Variants in RASEF observed in about 807,000 individuals in gnomAD.
RASEF encodes ras and EF-hand domain-containing protein.
In RASEF, 68 loss-of-function variants were observed where a neutral mutation model predicts 90.1. The observed-to-expected ratio is 0.75, with a 90% CI of 0.62 to 0.92. The LOEUF is 0.92. Ranked by LOEUF, RASEF falls within the 40% of genes least tolerant of loss-of-function variation. RASEF has a pLI of 0.00. For missense variants in RASEF, 949 were observed against 937.2 expected (o/e 1.01, Z -0.16); for synonymous variants, 331 against 345.2 (o/e 0.96, Z 0.46).
the RASEF span, among the ~76,000 whole-genome samples, chr9:83,122,241 G>A: frequency 8.8e-3 from 1,333 of 152,250 alleles, 24 homozygotes; most frequent in African/African-American, 0.031. Context: ...TGTCCCCCAT[G>A]AGCCCAGGAC....
the RASEF span, among the ~76,000 whole-genome samples, chr9:83,215,750 T>G: frequency 6.6e-6 from 1 of 151,528 alleles, no homozygotes; most frequent in Admixed American, 6.6e-5. Context: ...CAGGCAGAGG[T>G]TGGAATGGTT....
chr9:83,190,375 T>C, the RASEF span, among the ~76,000 whole-genome samples: 1 of 152,230 alleles, frequency 6.6e-6, no homozygotes. Flanking sequence ...AAGAGACCTA[T>C]GAGTTATCTA....
chr9:83,219,221 A>T, the RASEF span: 1 of 152,156 alleles, frequency 6.6e-6, no homozygotes, highest in South Asian at 2.1e-4. Context: ...CTGGACAGAG[A>T]GTTAGGTCCC....
the RASEF span, among the ~76,000 whole-genome samples, chr9:83,144,374 AGAAAGAAAGAAAGAAAG>A: frequency 4.7e-3 from 272 of 58,218 alleles, 12 homozygotes; most frequent in African/African-American, 0.016. Context: ...AAAGAAAGAA[AGAAAGAAAGAAAGAAAG>A]GAAAGAAAGA....
chr9:83,195,594 CAG>C, the RASEF span, among the ~76,000 whole-genome samples: 1 of 152,096 alleles, frequency 6.6e-6, no homozygotes, highest in Non-Finnish European at 1.5e-5. Context: ...AAGAAAGAAA[CAG>C]ATTTTCTGCC....
At chr9:83,152,194 A>G in the RASEF span, among the ~76,000 whole-genome samples, 1 of 152,184 alleles carries the variant, frequency 6.6e-6, no homozygotes, top group African/African-American at 2.4e-5. Context: ...CTTGGAATCA[A>G]TTACCTAAAT....
the RASEF span, among the ~76,000 whole-genome samples, chr9:83,140,105 TGATGATGCTA>T: frequency 1.8e-4 from 27 of 152,316 alleles, no homozygotes; most frequent in African/African-American, 6.5e-4. Context: ...AGACTTACCA[TGATGATGCTA>T]GAGACCTATT....
At chr9:83,155,431 A>G in the RASEF span, among the ~76,000 whole-genome samples, 1 of 152,188 alleles carries the variant, frequency 6.6e-6, no homozygotes, top group Non-Finnish European at 1.5e-5. Flanking sequence ...AGCAGACAAG[A>G]GAGAATGAGA....
chr9:83,096,674 A>C, the RASEF span, among the ~76,000 whole-genome samples: 2 of 152,018 alleles, frequency 1.3e-5, no homozygotes. Context: ...GTACATGTGC[A>C]AAACGTGCAG....
At chr9:83,126,678 C>T in the RASEF span, among the ~76,000 whole-genome samples, 1 of 152,190 alleles carries the variant, frequency 6.6e-6, no homozygotes, top group Non-Finnish European at 1.5e-5. Flanking sequence ...CTACCTACTG[C>T]CCTGGATGGC....
At chr9:83,185,366 T>A in the RASEF span, among the ~76,000 whole-genome samples, 1,856 of 149,972 alleles carry the variant, frequency 0.012, 43 homozygotes, top group African/African-American at 0.042. Context: ...TTTTTTTTTT[T>A]AATTTTTTTG....
intron 16 of RASEF, among the ~76,000 whole-genome samples, chr9:82,983,500 C>G (rs115110864): frequency 0.012 from 1,820 of 152,172 alleles, 35 homozygotes; most frequent in African/African-American, 0.042. Flanking sequence ...AATATGAAGA[C>G]CAGAAGTCTC....
the RASEF span, among the ~76,000 whole-genome samples, chr9:83,116,393 G>A: frequency 6.6e-6 from 1 of 152,022 alleles, no homozygotes; most frequent in African/African-American, 2.4e-5. Context: ...GATTCATGGT[G>A]TTTCCCCAAA....
chr9:82,995,388 G>A (rs1490402531), intron 14 of RASEF, among the ~76,000 whole-genome samples: 1 of 152,110 alleles, frequency 6.6e-6, no homozygotes, highest in African/African-American at 2.4e-5. Context: ...TCCATCCCAG[G>A]GATCTCCATT....
At chr9:83,135,736 T>C in the RASEF span, among the ~76,000 whole-genome samples, 44 of 152,278 alleles carry the variant, frequency 2.9e-4, no homozygotes, top group Middle Eastern at 6.8e-3. Context: ...TGAATGTCTC[T>C]AAGCCCCATG....
intron 1 of RASEF, among the ~76,000 whole-genome samples, chr9:83,049,487 T>A (rs1830000133): frequency 6.6e-6 from 1 of 151,164 alleles, no homozygotes; most frequent in African/African-American, 2.4e-5. Context: ...CTTCAGATTA[T>A]GTGAACACAT....
chr9:83,158,783 T>C, the RASEF span, among the ~76,000 whole-genome samples: 1 of 150,474 alleles, frequency 6.6e-6, no homozygotes, highest in Admixed American at 6.7e-5. Context: ...TATGAATATA[T>C]ATACACACAT....
At chr9:83,166,159 A>G in the RASEF span, among the ~76,000 whole-genome samples, 51,796 of 152,046 alleles carry the variant, frequency 0.34, 8,909 homozygotes, top group Middle Eastern at 0.43. Flanking sequence ...AATTCATTCT[A>G]TAAGGCCAGC....
the RASEF span, among the ~76,000 whole-genome samples, chr9:83,132,011 G>A: frequency 1.3e-5 from 2 of 152,154 alleles, no homozygotes; most frequent in Non-Finnish European, 2.9e-5. Flanking sequence ...ATTTTCCAAA[G>A]ATGGTATTAA....
Sources: gnomAD v4.1 joint callset for allele counts (sites outside exome capture counted in the v4.1 genomes callset) on GRCh38, gnomAD v4.1.1 for gene constraint, MANE v1.5 for transcripts, NCBI Gene and HGNC (gene_info 2026-07-23, HGNC 2026-07-21) for gene names.